The following DOCK10 variants were observed in gnomAD, a reference collection of about 807,000 sequenced individuals.
DOCK10 encodes dedicator of cytokinesis protein 10.
A neutral mutation model predicts 280.1 loss-of-function variants in DOCK10; 145 were observed. The observed-to-expected ratio is 0.52, with a 90% CI of 0.45 to 0.59. The LOEUF (loss-of-function observed/expected upper bound fraction) is 0.59, where lower values mean the gene tolerates loss of function less well. Ranked by LOEUF, DOCK10 falls within the 20% of genes least tolerant of loss-of-function variation. The probability of loss-of-function intolerance (pLI) is 0.00; values close to 1 mark genes in which losing one functional copy is unlikely to be tolerated. For synonymous variants in DOCK10, 915 were observed against 942.2 expected (o/e 0.97, Z 0.53); for missense variants, 2,368 against 2,651.7 (o/e 0.89, Z 2.35).
chr2:224,927,015 A>G (rs1463190317), intron 2 of DOCK10, among the ~76,000 whole-genome samples: 1 of 152,184 alleles, frequency 6.6e-6, no homozygotes, highest in African/African-American at 2.4e-5. Flanking sequence ...CCCAGTGGTG[A>G]TAAGTGTTAT....
chr2:224,843,361 T>C (rs1360441667), intron 22 of DOCK10, among the ~76,000 whole-genome samples: 1 of 152,076 alleles, frequency 6.6e-6, no homozygotes, highest in Non-Finnish European at 1.5e-5. Flanking sequence ...CTCAGCTATT[T>C]GGAGAAAGCA....
chr2:224,890,804 G>C (rs1433311060), intron 4 of DOCK10, among the ~76,000 whole-genome samples: 1 of 152,082 alleles, frequency 6.6e-6, no homozygotes, highest in Non-Finnish European at 1.5e-5. Context: ...ACTCTTTGGG[G>C]GTGATAACAT....
rs972119486 is a variant in DOCK10 at position 224,951,393 on chromosome 2, C to T, written c.124-19725G>A. On this transcript the variant is annotated intron_variant, in intron 1 of 55. Coordinates refer to ENST00000258390, the MANE Select transcript of DOCK10 (RefSeq NM_014689.3). ...TGCATGCATATATGTACATACAAAACGCACAGTCTCACATATTCTTATATA... is the reference window on the plus strand; with the variant it reads ...TGCATGCATATATGTACATACAAAATGCACAGTCTCACATATTCTTATATA... 6.6e-5 allele frequency among the ~76,000 whole-genome samples: 10 copies of T among 152,024 alleles called. No individual in the cohort carries two copies. The East Asian group carries it at 9.7e-4, about 15-fold the overall frequency.
Position 224,864,915 on chromosome 2 carries a change from T to G in DOCK10, c.1430A>C (p.Glu477Ala). 6.2e-7 allele frequency: 1 copy of G among 1,614,004 alleles called. No individual in the cohort carries two copies. Among genetic ancestry groups the G allele is most frequent in the South Asian group, 1.1e-5 (1 of 91,084 alleles). ...IDTITPRQSE[E>A]PHIKGLPEEW... ...CTCTGGAAGTCCCTTGATGTGAGGTTCTTCTGATTGTCTTGGAGTGATGGT... is the reference window on the plus strand; with the variant it reads ...CTCTGGAAGTCCCTTGATGTGAGGTGCTTCTGATTGTCTTGGAGTGATGGT... The change falls in exon 12 of 56, where the codon GAA becomes GCA. Residue 477 changes from glutamate to alanine, a missense_variant. By Grantham distance (107) the Glu-to-Ala change is moderately radical. Transcript: ENST00000258390.
At chr2:225,034,255 T>A (rs573068691) in intron 1 of DOCK10, among the ~76,000 whole-genome samples, 2 of 152,196 alleles carry the variant, frequency 1.3e-5, no homozygotes, top group Non-Finnish European at 2.9e-5. Context: ...GGAGTCAGAC[T>A]ATGTGATTGT....
chr2:224,945,925 C>A (rs540547268), intron 1 of DOCK10, among the ~76,000 whole-genome samples: 1 of 152,134 alleles, frequency 6.6e-6, no homozygotes, highest in African/African-American at 2.4e-5. Context: ...TACAGGATAG[C>A]CCCCCACAGA....
intron 53 of DOCK10, 97 bp downstream of exon 53, chr2:224,773,060 A>T: frequency 8.7e-7 from 1 of 1,151,202 alleles, no homozygotes. Context: ...CAAAAGGGAA[A>T]ATGTTTCTTA....
chr2:224,928,056 A>G (rs1218983837), intron 2 of DOCK10, among the ~76,000 whole-genome samples: 1 of 152,176 alleles, frequency 6.6e-6, no homozygotes, highest in Non-Finnish European at 1.5e-5. Context: ...CCACTGCTGA[A>G]GGGAGAGCTG....
intron 1 of DOCK10, among the ~76,000 whole-genome samples, chr2:225,035,798 G>T (rs901586124): frequency 7.9e-5 from 12 of 151,334 alleles, no homozygotes; most frequent in African/African-American, 1.9e-4. Flanking sequence ...TTGGGTTCCT[G>T]GTGAAAGCTC....
chr2:225,021,176 T>A (rs775740667), intron 1 of DOCK10, among the ~76,000 whole-genome samples: 1 of 152,318 alleles, frequency 6.6e-6, no homozygotes, highest in East Asian at 1.9e-4. Context: ...ATTGAGCCCA[T>A]GTCCCAAGGA....
rs112976099 is a variant in DOCK10 at position 224,993,202 on chromosome 2, G to GTTTTTTT, written c.123+49043_123+49049dup. Reference sequence around the variant, plus strand: ...AGACTCAGATGGTCTTTCTTTGGAAGTTTTTTTTTTTTTTTTGCTGTCCAA... The same window carrying GTTTTTTT: ...AGACTCAGATGGTCTTTCTTTGGAAGTTTTTTTTTTTTTTTTTTTTTTTGCTGTCCAA... On this transcript the variant is annotated intron_variant, in intron 1 of 55. Transcript: ENST00000258390. Among the ~76,000 whole-genome samples the GTTTTTTT allele has an allele frequency of 6.6e-5, 9 of 136,232 alleles. 1 individual carries two copies. The highest frequency in any genetic ancestry group is 2.1e-4 in the East Asian group (1 of 4,704). 89.4% of individuals were successfully genotyped at this position (136,232 alleles called of 152,430 possible).
chr2:224,857,831 T>C (rs556071654), intron 14 of DOCK10, among the ~76,000 whole-genome samples: 19 of 152,290 alleles, frequency 1.2e-4, no homozygotes, highest in Admixed American at 3.9e-4. Context: ...TATCACTCTT[T>C]AAGTTAACTG....
At chr2:224,867,054 C>T (rs1341581761) in intron 11 of DOCK10, among the ~76,000 whole-genome samples, 7 of 149,622 alleles carry the variant, frequency 4.7e-5, no homozygotes, top group East Asian at 4.0e-4. Context: ...CTCTGCCCTC[C>T]GATCATACAG....
rs538876310 is a variant in DOCK10 at position 225,010,504 on chromosome 2, A to G, written c.123+31748T>C. On this transcript the variant is annotated intron_variant, in intron 1 of 55. Coordinates refer to ENST00000258390, the MANE Select transcript of DOCK10 (RefSeq NM_014689.3). ...CCTTAGAGGCATTTGCTTTGTGTGT[A>G]TCTTAGATAAAATGCCTCCAAGGTA... 103 of 154,170 alleles carry G rather than the reference A, an allele frequency of 6.7e-4. 2 individuals are homozygous for G. The South Asian group carries it at 7.5e-3, about 11-fold the overall frequency. 9.6% of individuals were successfully genotyped at this position (154,170 alleles called of 1,614,324 possible).
At position 224,886,148 on chromosome 2, in the gene DOCK10, C is replaced by T; in HGVS notation, c.527G>A (p.Gly176Glu). The T allele has an allele frequency of 2.5e-6, 4 of 1,613,862 alleles. No homozygotes were observed. Among genetic ancestry groups the T allele is most frequent in the South Asian group, 1.1e-5 (1 of 91,076 alleles). Residue 176 changes from glycine (G) to glutamate (E), a missense_variant, in exon 6 of 56, where the codon GGA becomes GAA. Around this residue, in one of 2 missense-constraint regions of DOCK10, gnomAD observed 1,209 missense variants for 1,250.9 expected, o/e 0.97. Coordinates refer to ENST00000258390, the MANE Select transcript of DOCK10 (RefSeq NM_014689.3). ...CTTGAAAACACCAGTTCCTCCCGCT[C>T]CTCCACCCCCCTTGGAAGACGAGTG... Reference protein sequence around the residue: ...TSHSSSKGGGGAGGTGVFKSG... With the variant: ...TSHSSSKGGGEAGGTGVFKSG...
chr2:224,786,987 G>T lies in DOCK10; in HGVS notation c.5655+35C>A. ...AAAGACAACATTCAACTGCTCAGCA[G>T]AATTTATGGGCCGTGTTATTTCTGG... On this transcript the variant is annotated intron_variant, in intron 50 of 55. Coordinates refer to ENST00000258390, the MANE Select transcript of DOCK10 (RefSeq NM_014689.3). The surrounding 1 kb of genome is among the most constrained non-coding windows in gnomAD (Gnocchi z 4.7). 1 of 1,485,894 alleles carries T rather than the reference G, an allele frequency of 6.7e-7. No individual in the cohort carries two copies. Among genetic ancestry groups the T allele is most frequent in the Non-Finnish European group, 9.4e-7 (1 of 1,063,296 alleles). 92.0% of individuals were successfully genotyped at this position (1,485,894 alleles called of 1,614,324 possible).
intron 31 of DOCK10, among the ~76,000 whole-genome samples, chr2:224,810,418 C>T (rs890251982): frequency 2.0e-5 from 3 of 151,946 alleles, no homozygotes; most frequent in East Asian, 3.9e-4. Flanking sequence ...AGGTCAAATA[C>T]GTAGCATAGT....
intron 3 of DOCK10, among the ~76,000 whole-genome samples, chr2:224,912,303 T>A (rs1245565054): frequency 6.6e-6 from 1 of 152,010 alleles, no homozygotes; most frequent in East Asian, 1.9e-4. Flanking sequence ...TCCCGGGTAA[T>A]TTTGTATTTT....
intron 1 of DOCK10, among the ~76,000 whole-genome samples, chr2:225,039,207 T>C (rs1300209307): frequency 3.9e-5 from 6 of 152,170 alleles, no homozygotes; most frequent in African/African-American, 1.4e-4. Flanking sequence ...ATTCAACCAA[T>C]GTAATAAAAC....
Sources: allele counts gnomAD v4.1 joint callset (sites outside exome capture counted in the v4.1 genomes callset), GRCh38; gene constraint gnomAD v4.1.1; regional missense constraint gnomAD v4.1.1; non-coding constraint Gnocchi (gnomAD v3.1); transcripts MANE v1.5; gene names NCBI Gene and HGNC (gene_info 2026-07-23, HGNC 2026-07-21).